The following ZNF558 variants were observed in gnomAD, a reference collection of about 807,000 sequenced individuals.
ZNF558 encodes zinc finger protein 558.
Under a neutral mutation model 37.6 loss-of-function variants are expected in ZNF558, and 23 were observed. The observed-to-expected ratio is 0.61, with a 90% confidence interval of 0.44 to 0.87. The LOEUF (loss-of-function observed/expected upper bound fraction) is 0.87, where lower values mean the gene tolerates loss of function less well. ZNF558 is among the 40% of genes least tolerant of loss of function. ZNF558 has a pLI of 0.00. For missense variants in ZNF558, 429 were observed against 483.7 expected, an observed-to-expected ratio of 0.89 and a Z score of 1.06; for synonymous variants, 189 against 174.4, an observed-to-expected ratio of 1.08 and a Z score of -0.66.
upstream of ZNF558, among the ~76,000 whole-genome samples, chr19:8,834,135 C>A (rs944970035): frequency 6.6e-6 from 1 of 152,090 alleles, no homozygotes; most frequent in Non-Finnish European, 1.5e-5. Flanking sequence ...TTTCATGCAC[C>A]CGTCCTTTCA....
At chr19:8,821,929 G>A in intron 6 of ZNF558, 74 bp downstream of exon 6, 1 of 1,589,568 alleles carries the variant, frequency 6.3e-7, no homozygotes, top group Non-Finnish European at 8.6e-7. Flanking sequence ...TGAGGCTCCA[G>A]GCTGCTGGAA....
In ZNF558 at chr19:8,822,512, G is replaced by A; in HGVS notation, c.31+117C>T. The A allele has an allele frequency of 6.9e-7, 1 of 1,450,490 alleles. No individual in the cohort carries two copies. Among genetic ancestry groups the A allele is most frequent in the Non-Finnish European group, 9.6e-7 (1 of 1,044,772 alleles). The allele number at this position is 1,450,490 out of a possible 1,614,324, so 89.9% of individuals were successfully genotyped here. ...CCGATCAGACACGGAGGACCTCTGG[G>A]CCCCTGGGGCTCCACTCCTGCCTCA... On this transcript the variant is annotated intron_variant, in intron 5 of 9. Transcript: ENST00000601372. This position sits in a 1 kb window ranked among gnomAD's most constrained non-coding sequence, Gnocchi z 4.4.
chr19:8,826,502 C>T (rs573004517), intron 2 of ZNF558, among the ~76,000 whole-genome samples: 2 of 152,080 alleles, frequency 1.3e-5, no homozygotes, highest in African/African-American at 4.8e-5. Context: ...AGATCCCTCA[C>T]ATGCAAAGTT....
chr19:8,837,483 C>T, the ZNF558 span, among the ~76,000 whole-genome samples: 1 of 152,150 alleles, frequency 6.6e-6, no homozygotes, highest in Non-Finnish European at 1.5e-5. Flanking sequence ...TGTTGTAACC[C>T]ACAAAGTCTA....
intron 2 of ZNF558, among the ~76,000 whole-genome samples, chr19:8,826,364 C>T (rs556982047): frequency 8.6e-5 from 13 of 151,970 alleles, no homozygotes; most frequent in African/African-American, 3.1e-4. Context: ...AATTATACGA[C>T]TCACCATAAT....
chr19:8,821,966 A>C (rs2044103216), intron 6 of ZNF558, 37 bp downstream of exon 6: 1 of 1,612,482 alleles, frequency 6.2e-7, no homozygotes, highest in Admixed American at 1.7e-5. Context: ...TTCTGGCCAA[A>C]GGAATAATGA....
chr19:8,822,180 C>T lies in ZNF558; in HGVS notation c.32-89G>A, dbSNP rs2044111414. ...ATTGACCACACCCACCTCCCACACC[C>T]ACACGGATGAGGCACCACACAGTGC... On this transcript the variant is annotated intron_variant, in intron 5 of 9. Coordinates refer to ENST00000601372, the MANE Select transcript of ZNF558 (RefSeq NM_144693.3). This position sits in a 1 kb window ranked among gnomAD's most constrained non-coding sequence, Gnocchi z 4.4. 3 of 1,523,420 alleles carry T rather than the reference C, an allele frequency of 2.0e-6. No individual in the cohort carries two copies. Among genetic ancestry groups the T allele is most frequent in the Middle Eastern group, 1.7e-4 (1 of 5,858 alleles). The allele number at this position is 1,523,420 out of a possible 1,614,324, so 94.4% of individuals were successfully genotyped here.
chr19:8,829,615 G>T (rs1168107318), intron 2 of ZNF558, among the ~76,000 whole-genome samples: 3 of 152,092 alleles, frequency 2.0e-5, no homozygotes, highest in African/African-American at 7.2e-5. Flanking sequence ...GTCCTCCAGG[G>T]TCCCTGTGCA....
chr19:8,824,963 G>A (rs2145279593), intron 3 of ZNF558, 39 bp downstream of exon 3: 1 of 152,266 alleles, frequency 6.6e-6, no homozygotes, highest in East Asian at 1.9e-4. Flanking sequence ...TCATCCCAAG[G>A]ACAATACCCT....
At chr19:8,814,486 A>G (rs1391734341) in intron 7 of ZNF558, among the ~76,000 whole-genome samples, 1 of 152,204 alleles carries the variant, frequency 6.6e-6, no homozygotes, top group Non-Finnish European at 1.5e-5. Context: ...GAAAGGAAAA[A>G]TGGGGAAAAA....
rs2044129258 is a variant in ZNF558 at position 8,822,847 on chromosome 19, G to A, written c.-65-123C>T. The A allele has an allele frequency of 1.2e-6, 1 of 860,084 alleles. No individual in the cohort carries two copies. Among genetic ancestry groups the A allele is most frequent in the Non-Finnish European group, 1.8e-6 (1 of 560,274 alleles). 53.3% of individuals were successfully genotyped at this position (860,084 alleles called of 1,614,324 possible). A position where few individuals can be genotyped will look rare whatever the true frequency, so the allele number is the denominator to read the frequency against. ...AATGCAAGTTCCGGCTTCCACACTG[G>A]GCCTTTATTTTGCTGAGCAGGCAAT... On this transcript the variant is annotated intron_variant, in intron 4 of 9. Transcript: ENST00000601372. The surrounding 1 kb of genome is among the most constrained non-coding windows in gnomAD (Gnocchi z 4.4).
intron 7 of ZNF558, among the ~76,000 whole-genome samples, chr19:8,817,958 A>C (rs2145223905): frequency 6.6e-6 from 1 of 152,332 alleles, no homozygotes; most frequent in Non-Finnish European, 1.5e-5. Flanking sequence ...AGGAAACAGA[A>C]GGATTAAACA....
At chr19:8,831,866 G>T (rs1041174833) in intron 1 of ZNF558, among the ~76,000 whole-genome samples, 9 of 152,172 alleles carry the variant, frequency 5.9e-5, no homozygotes, top group Non-Finnish European at 1.2e-4. Flanking sequence ...ATCTTTAAGA[G>T]CAAGCAGCGT....
At position 8,813,137 on chromosome 19, in the gene ZNF558, G is replaced by A; in HGVS notation, c.333C>T (p.Ser111=). The A allele has an allele frequency of 6.3e-7, 1 of 1,588,350 alleles. No individual in the cohort carries two copies. Among genetic ancestry groups the A allele is most frequent in the Non-Finnish European group, 8.6e-7 (1 of 1,166,024 alleles). The change falls in exon 8 of 10, where the codon AGC becomes AGT. Residue 111 remains serine, a synonymous_variant. Coordinates refer to ENST00000601372, the MANE Select transcript of ZNF558 (RefSeq NM_144693.3). ...CCACCTGGTGCTCACCTGGACAGGT[G>A]CTTGGTAGAATTCCTCTTTCCTCTG... ...VVTEERGILP[S]TCPDLETLLK...
intron 7 of ZNF558, among the ~76,000 whole-genome samples, chr19:8,817,858 AG>A (rs2043978542): frequency 6.6e-6 from 1 of 152,256 alleles, no homozygotes; most frequent in South Asian, 2.1e-4. Flanking sequence ...GCATAATTGA[AG>A]GAAGATATAG....
intron 7 of ZNF558, among the ~76,000 whole-genome samples, chr19:8,817,063 G>C (rs2043957303): frequency 6.6e-6 from 1 of 151,850 alleles, no homozygotes; most frequent in Admixed American, 6.6e-5. Flanking sequence ...TGGTCCACTA[G>C]AAAATATCTA....
chr19:8,820,589 C>A (rs1165067303), intron 7 of ZNF558, among the ~76,000 whole-genome samples: 1 of 144,416 alleles, frequency 6.9e-6, no homozygotes, highest in Non-Finnish European at 1.5e-5. Flanking sequence ...TCAAGCGATT[C>A]TCCTGCCTCA....
chr19:8,810,960 T>C lies in ZNF558; in HGVS notation c.*321A>G, dbSNP rs1049273642. On this transcript the variant is annotated 3_prime_UTR_variant, in exon 10 of 10. Transcript: ENST00000601372. Reference sequence around the variant, plus strand: ...CCCCTGACAACAACCAACATCAACTTTCCAGGCATGTGAATAAGTCATCTT... The same window carrying C: ...CCCCTGACAACAACCAACATCAACTCTCCAGGCATGTGAATAAGTCATCTT... 21 of 215,446 alleles carry C rather than the reference T, an allele frequency of 9.7e-5. No homozygotes were observed. Among genetic ancestry groups the C allele is most frequent in the African/African-American group, 4.9e-4 (21 of 43,120 alleles). The allele number at this position is 215,446 out of a possible 1,614,324, so 13.3% of individuals were successfully genotyped here.
In ZNF558 at chr19:8,807,665, G is replaced by C. The variant is rs1483977354; in HGVS notation, c.*3616C>G. 1.3e-5 allele frequency: 2 copies of C among 152,098 alleles called. No homozygotes were observed. The highest frequency in any genetic ancestry group is 4.8e-5 in the African/African-American group (2 of 41,384). 9.4% of individuals were successfully genotyped at this position (152,098 alleles called of 1,614,324 possible). ...AACTTGTTGAGATCTCCGCTCAAAT[G>C]CTCCTTACCAAGAGGCTTTCTTTTC... On this transcript the variant is annotated 3_prime_UTR_variant, in exon 10 of 10. Transcript: ENST00000601372.
Sources: gnomAD v4.1 joint callset for allele counts (sites outside exome capture counted in the v4.1 genomes callset) on GRCh38, gnomAD v4.1.1 for gene constraint, Gnocchi (gnomAD v3.1) non-coding constraint, MANE v1.5 for transcripts, NCBI Gene and HGNC (gene_info 2026-07-23, HGNC 2026-07-21) for gene names.